C11orf65: variants seen among roughly 807,000 people sequenced by gnomAD.
C11orf65 encodes chromosome 11 open reading frame 65, also known as protein MFI.
In C11orf65, 38 loss-of-function variants were observed where a neutral mutation model predicts 35.3. The observed-to-expected ratio is 1.08, with a 90% CI of 0.83 to 1.41. The LOEUF (loss-of-function observed/expected upper bound fraction) is 1.41. C11orf65 is among the 40% of genes most tolerant of loss of function. The probability of loss-of-function intolerance (pLI) is 0.00; values close to 1 mark genes in which losing one functional copy is unlikely to be tolerated. For missense variants in C11orf65, 370 were observed against 367.1 expected, an observed-to-expected ratio of 1.01 and a Z score of -0.06; for synonymous variants, 105 against 114.4, an observed-to-expected ratio of 0.92 and a Z score of 0.53.
intron 2 of C11orf65, among the ~76,000 whole-genome samples, chr11:108,436,028 G>C (rs762140676): frequency 2.0e-5 from 3 of 151,898 alleles, no homozygotes; most frequent in Non-Finnish European, 4.4e-5. Context: ...GTCAGCAAGA[G>C]TGGTGTGATG....
chr11:108,321,149 T>C, intron 6 of C11orf65: 2 of 1,013,452 alleles, frequency 2.0e-6, no homozygotes, highest in Admixed American at 2.5e-5. Context: ...GTATTTTGTT[T>C]CCACTGCTAT....
intron 2 of C11orf65, among the ~76,000 whole-genome samples, chr11:108,448,040 T>C (rs1565712107): frequency 2.0e-5 from 3 of 152,042 alleles, no homozygotes; most frequent in South Asian, 4.1e-4. Flanking sequence ...CTAGAAGAAA[T>C]GGATAAATTC....
At chr11:108,400,470 G>T (rs548507440) in intron 6 of C11orf65, among the ~76,000 whole-genome samples, 11 of 152,332 alleles carry the variant, frequency 7.2e-5, no homozygotes, top group African/African-American at 2.2e-4. Flanking sequence ...AGCCCCTGGG[G>T]ACAAGAGCAG....
intron 6 of C11orf65, among the ~76,000 whole-genome samples, chr11:108,400,863 T>G (rs2092426167): frequency 6.6e-6 from 1 of 152,030 alleles, no homozygotes; most frequent in Non-Finnish European, 1.5e-5. Context: ...TCCCAGCACT[T>G]TGGGAGGCCG....
At chr11:108,417,568 C>CA (rs1168538887) in intron 3 of C11orf65, among the ~76,000 whole-genome samples, 1,372 of 29,078 alleles carry the variant, frequency 0.047, 13 homozygotes, top group African/African-American at 0.12. Context: ...AACAAACAAA[C>CA]AAAAAAAAAC....
intron 2 of C11orf65, among the ~76,000 whole-genome samples, chr11:108,443,539 C>G (rs993595859): frequency 6.6e-6 from 1 of 152,130 alleles, no homozygotes; most frequent in Admixed American, 6.6e-5. Flanking sequence ...CAGCATCACA[C>G]GACACCTATC....
At chr11:108,457,567 T>C (rs2093423385) in intron 2 of C11orf65, among the ~76,000 whole-genome samples, 1 of 152,168 alleles carries the variant, frequency 6.6e-6, no homozygotes, top group Non-Finnish European at 1.5e-5. Flanking sequence ...TGATTGAACC[T>C]GGGAGGCGAA....
rs2136222693 is a variant in C11orf65, at chr11:108,320,056, C to T, written c.641-10985G>A. ...CATTTTATGAAAGTCTCAAATATGCCAGGTATTATGAAAAGACAAAGTTAC... is the reference window on the plus strand; with the variant it reads ...CATTTTATGAAAGTCTCAAATATGCTAGGTATTATGAAAAGACAAAGTTAC... On this transcript the variant is annotated intron_variant, in intron 6 of 6. Transcript: ENST00000525729. 6.3e-7 allele frequency: 1 copy of T among 1,581,874 alleles called. No individual in the cohort carries two copies. Among genetic ancestry groups the T allele is most frequent in the Non-Finnish European group, 8.7e-7 (1 of 1,150,880 alleles).
At chr11:108,409,554 C>T (rs562588586) in intron 3 of C11orf65, among the ~76,000 whole-genome samples, 2 of 152,244 alleles carry the variant, frequency 1.3e-5, no homozygotes, top group South Asian at 2.1e-4. Flanking sequence ...ATGCTCTTGT[C>T]GTGATGCTGG....
chr11:108,451,364 C>G (rs2093345274), intron 2 of C11orf65, among the ~76,000 whole-genome samples: 1 of 151,910 alleles, frequency 6.6e-6, no homozygotes, highest in Non-Finnish European at 1.5e-5. Context: ...ACACCAATAA[C>G]AGACAAACAG....
At chr11:108,442,620 G>A (rs572263089) in intron 2 of C11orf65, among the ~76,000 whole-genome samples, 163 of 152,252 alleles carry the variant, frequency 1.1e-3, no homozygotes, top group African/African-American at 3.4e-3. Context: ...GAATAACAGC[G>A]GATCTCTCAG....
chr11:108,347,257 T>C (rs758808792), intron 2 of C11orf65: 3 of 1,520,186 alleles, frequency 2.0e-6, no homozygotes, highest in Non-Finnish European at 2.7e-6. Context: ...GATTTCAGAT[T>C]GTTTGTTTCT....
intron 3 of C11orf65, among the ~76,000 whole-genome samples, chr11:108,422,376 G>GT (rs1180815085): frequency 6.6e-6 from 1 of 152,168 alleles, no homozygotes; most frequent in African/African-American, 2.4e-5. Context: ...AAAAAGAATT[G>GT]TAAGATTGGA....
chr11:108,316,866 C>T (rs1277683804), intron 6 of C11orf65, among the ~76,000 whole-genome samples: 2 of 151,572 alleles, frequency 1.3e-5, no homozygotes, highest in Non-Finnish European at 2.9e-5. Flanking sequence ...GCAGAGGTTG[C>T]AGTGAGCCGA....
chr11:108,350,439 C>A (rs1172206602), intron 2 of C11orf65, among the ~76,000 whole-genome samples: 4 of 152,160 alleles, frequency 2.6e-5, no homozygotes, highest in Admixed American at 2.0e-4. Context: ...TTAGAATGTA[C>A]AATTTACAAT....
chr11:108,336,141 T>TAAAA, intron 2 of C11orf65: 1 of 440,542 alleles, frequency 2.3e-6, no homozygotes, highest in East Asian at 4.1e-5. Context: ...GACAAAAAGT[T>TAAAA]AAAAAAAAAA....
intron 3 of C11orf65, among the ~76,000 whole-genome samples, chr11:108,427,515 C>T (rs1309577544): frequency 6.6e-6 from 1 of 150,814 alleles, no homozygotes; most frequent in Non-Finnish European, 1.5e-5. Flanking sequence ...GTCAGGAGAT[C>T]GAGACCATCC....
At position 108,395,699 on chromosome 11, in the gene C11orf65, C is replaced by T. The variant is rs2092292930; in HGVS notation, c.561-2321G>A. Among the ~76,000 whole-genome samples, 5 of 146,226 alleles carry T rather than the reference C, an allele frequency of 3.4e-5. No homozygotes were observed. In the Admixed American group the frequency reaches 3.4e-4, roughly 10 times the overall value. On this transcript the variant is annotated intron_variant, in intron 6 of 8. Coordinates refer to ENST00000393084, the MANE Select transcript of C11orf65 (RefSeq NM_152587.5). ...GCAGTGGCGCCATCTCGGCTCACTGCAAGCTCCGCCTCCCGGGTTCACGCC... is the reference window on the plus strand; with the variant it reads ...GCAGTGGCGCCATCTCGGCTCACTGTAAGCTCCGCCTCCCGGGTTCACGCC...
chr11:108,319,389 A>T (rs912345303), intron 6 of C11orf65, among the ~76,000 whole-genome samples: 1 of 152,128 alleles, frequency 6.6e-6, no homozygotes, highest in Non-Finnish European at 1.5e-5. Flanking sequence ...AGCTGTTTCT[A>T]TCCAAGGGCC....
Sources: gnomAD v4.1 joint callset for allele counts (sites outside exome capture counted in the v4.1 genomes callset) on GRCh38, gnomAD v4.1.1 for gene constraint, MANE v1.5 for transcripts, NCBI Gene and HGNC (gene_info 2026-07-23, HGNC 2026-07-21) for gene names.